SAMD12: variants seen among roughly 807,000 people sequenced by gnomAD.
SAMD12 encodes sterile alpha motif domain containing 12, also known as sterile alpha motif domain-containing protein 12.
Under a neutral mutation model 15.0 loss-of-function variants are expected in SAMD12, and 9 were observed. The ratio of observed to expected loss-of-function variants is 0.60; its 90% CI spans 0.36 to 1.05. The LOEUF is 1.05. Ranked by LOEUF, SAMD12 falls within the 50% of genes least tolerant of loss-of-function variation. The pLI is 0.01. For missense variants in SAMD12, 230 were observed against 234.2 expected (o/e 0.98, Z 0.12); for synonymous variants, 86 against 90.1 (o/e 0.96, Z 0.25).
At chr8:118,538,007 T>C (rs1825893182) in intron 2 of SAMD12, among the ~76,000 whole-genome samples, 1 of 152,216 alleles carries the variant, frequency 6.6e-6, no homozygotes, top group South Asian at 2.1e-4. Context: ...TGCAGCCACA[T>C]CTGCACTAGG....
chr8:118,258,282 C>T (rs139820739), intron 4 of SAMD12, among the ~76,000 whole-genome samples: 2 of 152,266 alleles, frequency 1.3e-5, no homozygotes, highest in African/African-American at 4.8e-5. Flanking sequence ...TGTTCTCTCT[C>T]TATCTGTAAC....
intron 4 of SAMD12, among the ~76,000 whole-genome samples, chr8:118,246,241 C>T (rs971787246): frequency 3.9e-5 from 6 of 152,102 alleles, no homozygotes; most frequent in African/African-American, 1.2e-4. Flanking sequence ...TTGAACTTTC[C>T]AGCCATAAAG....
intron 4 of SAMD12, among the ~76,000 whole-genome samples, chr8:118,354,907 T>C (rs931787729): frequency 3.3e-5 from 5 of 152,172 alleles, no homozygotes; most frequent in African/African-American, 1.2e-4. Flanking sequence ...TTAGTAAAAA[T>C]ACTGACTTGG....
At chr8:118,316,010 A>G (rs917906504) in intron 4 of SAMD12, among the ~76,000 whole-genome samples, 4 of 152,196 alleles carry the variant, frequency 2.6e-5, no homozygotes, top group Non-Finnish European at 5.9e-5. Flanking sequence ...TCAAAAATAA[A>G]ATGAATCATA....
At chr8:118,501,488 C>G (rs2131041285) in intron 2 of SAMD12, among the ~76,000 whole-genome samples, 1 of 152,216 alleles carries the variant, frequency 6.6e-6, no homozygotes, top group African/African-American at 2.4e-5. Context: ...TTTAAAATGT[C>G]TCATCTCCAA....
chr8:118,517,255 T>C (rs1315555026), intron 2 of SAMD12, among the ~76,000 whole-genome samples: 1 of 152,154 alleles, frequency 6.6e-6, no homozygotes, highest in East Asian at 1.9e-4. Flanking sequence ...TGAAACCATT[T>C]TGGGTACAGA....
chr8:118,467,727 T>G (rs1471766198), intron 2 of SAMD12, among the ~76,000 whole-genome samples: 1 of 152,230 alleles, frequency 6.6e-6, no homozygotes, highest in Non-Finnish European at 1.5e-5. Context: ...AAGGATCTGT[T>G]TGAATCCTGC....
intron 2 of SAMD12, among the ~76,000 whole-genome samples, chr8:118,442,616 A>G (rs1263616681): frequency 2.6e-5 from 4 of 152,182 alleles, no homozygotes; most frequent in Non-Finnish European, 4.4e-5. Flanking sequence ...ACAACTAGGA[A>G]GCTAGAATTT....
At chr8:118,513,418 T>C (rs1825141350) in intron 2 of SAMD12, among the ~76,000 whole-genome samples, 1 of 152,226 alleles carries the variant, frequency 6.6e-6, no homozygotes, top group Admixed American at 6.5e-5. Flanking sequence ...CATCTTAAGC[T>C]GTAAACTTAT....
the SAMD12 span, among the ~76,000 whole-genome samples, chr8:118,179,656 A>G: frequency 6.6e-6 from 1 of 152,122 alleles, no homozygotes; most frequent in Non-Finnish European, 1.5e-5. Flanking sequence ...TGAAGTCATT[A>G]CTAGAGTCAG....
chr8:118,540,683 A>C (rs1447210289), intron 2 of SAMD12, among the ~76,000 whole-genome samples: 3 of 143,046 alleles, frequency 2.1e-5, no homozygotes, highest in African/African-American at 7.6e-5. Flanking sequence ...TTAAGCCTGC[A>C]CCATTGCAAC....
chr8:118,522,225 A>C (rs1825411950), intron 2 of SAMD12, among the ~76,000 whole-genome samples: 1 of 151,794 alleles, frequency 6.6e-6, no homozygotes, highest in Non-Finnish European at 1.5e-5. Context: ...CGATAAAAAG[A>C]GAGAAATCAA....
At chr8:118,223,465 T>C (rs182998231) in intron 4 of SAMD12, among the ~76,000 whole-genome samples, 58 of 152,206 alleles carry the variant, frequency 3.8e-4, no homozygotes, top group Middle Eastern at 6.3e-3. Flanking sequence ...TCTAATGTTC[T>C]GTAGGAGTAT....
intron 3 of SAMD12, among the ~76,000 whole-genome samples, chr8:118,410,660 G>C (rs976844009): frequency 4.6e-5 from 7 of 152,170 alleles, no homozygotes; most frequent in Middle Eastern, 3.2e-3. Context: ...CAAATCTTCT[G>C]AGCCATATAG....
chr8:118,489,971 C>A (rs917868199), intron 2 of SAMD12, among the ~76,000 whole-genome samples: 1 of 152,066 alleles, frequency 6.6e-6, no homozygotes, highest in African/African-American at 2.4e-5. Flanking sequence ...CTAGAAAATT[C>A]AGATTAATAT....
intron 1 of SAMD12, among the ~76,000 whole-genome samples, chr8:118,613,509 A>G (rs538319550): frequency 1.3e-5 from 2 of 152,234 alleles, no homozygotes; most frequent in Admixed American, 1.3e-4. Flanking sequence ...TTGACTTTTC[A>G]TAGCATGATT....
intron 4 of SAMD12, chr8:118,282,443 T>C (rs1218943278): frequency 4.7e-6 from 2 of 429,200 alleles, no homozygotes; most frequent in African/African-American, 4.1e-5. Context: ...GTAACTTCTG[T>C]GTAAACCCTA....
At chr8:118,160,884 T>C in the SAMD12 span, among the ~76,000 whole-genome samples, 1 of 152,208 alleles carries the variant, frequency 6.6e-6, no homozygotes, top group African/African-American at 2.4e-5. Context: ...GTTGGTGTGC[T>C]TCACCCATTA....
chr8:118,587,733 T>C (rs144429515), intron 1 of SAMD12, among the ~76,000 whole-genome samples: 22 of 152,338 alleles, frequency 1.4e-4, no homozygotes, highest in African/African-American at 5.3e-4. Flanking sequence ...GGCTCTGACA[T>C]CATTGGGCTA....
Sources: gnomAD v4.1 joint callset for allele counts (sites outside exome capture counted in the v4.1 genomes callset) on GRCh38, gnomAD v4.1.1 for gene constraint, MANE v1.5 for transcripts, NCBI Gene and HGNC (gene_info 2026-07-23, HGNC 2026-07-21) for gene names.